The following RERE variants were observed in gnomAD, a reference collection of about 807,000 sequenced individuals.
RERE encodes arginine-glutamic acid dipeptide repeats.
Under a neutral mutation model 146.1 loss-of-function variants are expected in RERE, and 40 were observed. The ratio of observed to expected loss-of-function variants is 0.27; its 90% confidence interval spans 0.21 to 0.36. The LOEUF is 0.36. Ranked by LOEUF, RERE falls within the 10% of genes least tolerant of loss-of-function variation. The pLI, the probability that RERE is intolerant of heterozygous loss-of-function variation, is 1.00. For missense variants in RERE, 1,933 were observed against 2,138.7 expected (o/e 0.90, Z 1.90); for synonymous variants, 1,003 against 866.0 (o/e 1.16, Z -2.78).
intron 4 of RERE, among the ~76,000 whole-genome samples, chr1:8,564,959 C>T (rs1014471518): frequency 1.3e-5 from 2 of 151,146 alleles, no homozygotes; most frequent in Non-Finnish European, 2.9e-5. Flanking sequence ...GAATATTATG[C>T]TAAGTTAAAT....
intron 11 of RERE, among the ~76,000 whole-genome samples, chr1:8,437,098 A>C (rs558482965): frequency 7.2e-5 from 11 of 152,300 alleles, no homozygotes; most frequent in African/African-American, 2.4e-4. Flanking sequence ...ATTACATAAA[A>C]CTTGTCTTCT....
intron 1 of RERE, among the ~76,000 whole-genome samples, chr1:8,751,777 TAAA>T (rs144355478): frequency 2.1e-5 from 3 of 141,448 alleles, no homozygotes; most frequent in Non-Finnish European, 3.1e-5. Context: ...CCTTTCACTT[TAAA>T]AAAAAAAAAA....
intron 4 of RERE, among the ~76,000 whole-genome samples, chr1:8,564,491 A>AGGGTTTTT (rs1646117210): frequency 6.6e-6 from 1 of 152,204 alleles, no homozygotes; most frequent in Non-Finnish European, 1.5e-5. Context: ...GCACTCAAAA[A>AGGGTTTTT]GTTATGGATT....
intron 1 of RERE, among the ~76,000 whole-genome samples, chr1:8,742,690 TAAAATTAGCCAGGCATGATGGTTA>T (rs1349011199): frequency 1.3e-5 from 2 of 151,786 alleles, no homozygotes; most frequent in Non-Finnish European, 1.5e-5. Flanking sequence ...GCATGAAGGC[TAAAATTAGCCAGGCATGATGGTTA>T]AAAATTAGCC....
At chr1:8,652,270 C>A (rs892356256) in intron 2 of RERE, among the ~76,000 whole-genome samples, 2 of 152,184 alleles carry the variant, frequency 1.3e-5, no homozygotes, top group Admixed American at 1.3e-4. Context: ...CCATGTGTGG[C>A]CTTTATAGAT....
intron 11 of RERE, among the ~76,000 whole-genome samples, chr1:8,435,711 A>G (rs1644160783): frequency 1.3e-5 from 2 of 152,300 alleles, no homozygotes; most frequent in East Asian, 1.9e-4. Flanking sequence ...CATGTGCCCA[A>G]TGGGAAAATG....
chr1:8,708,909 T>TTG (rs1639611189), intron 1 of RERE, among the ~76,000 whole-genome samples: 1 of 126,854 alleles, frequency 7.9e-6, no homozygotes. Flanking sequence ...TCTGGAGTTT[T>TTG]TTTTTTTTTT....
chr1:8,770,085 C>T (rs1391819347), intron 1 of RERE, among the ~76,000 whole-genome samples: 1 of 152,098 alleles, frequency 6.6e-6, no homozygotes, highest in Non-Finnish European at 1.5e-5. Context: ...CCACCGCGCC[C>T]GGCCAACACC....
chr1:8,355,054 G>C lies in RERE; in HGVS notation c.*33C>G, dbSNP rs762121799. The C allele has an allele frequency of 1.9e-6, 3 of 1,597,620 alleles. No homozygotes were observed. The Middle Eastern group carries it at 5.0e-4, about 264-fold the overall frequency. Reference sequence around the variant, plus strand: ...TCCTGTTTCTCCCCCCAAGAACTGGGGTTTCCACAGCCAGCGTTAACAAAT... The same window carrying C: ...TCCTGTTTCTCCCCCCAAGAACTGGCGTTTCCACAGCCAGCGTTAACAAAT... On this transcript the variant is annotated 3_prime_UTR_variant, in exon 23 of 23. Transcript: ENST00000400908.
intron 11 of RERE, among the ~76,000 whole-genome samples, chr1:8,463,615 A>C (rs1195536183): frequency 6.6e-6 from 1 of 152,186 alleles, no homozygotes; most frequent in Non-Finnish European, 1.5e-5. Context: ...AAAATTCCAG[A>C]GGGAATGAAA....
At chr1:8,577,245 T>C (rs965639830) in intron 4 of RERE, among the ~76,000 whole-genome samples, 2 of 152,186 alleles carry the variant, frequency 1.3e-5, no homozygotes, top group Non-Finnish European at 2.9e-5. Flanking sequence ...ATGTATTACC[T>C]ATTCAAAAAC....
chr1:8,446,967 C>T (rs763085547), intron 11 of RERE, among the ~76,000 whole-genome samples: 4 of 152,048 alleles, frequency 2.6e-5, no homozygotes, highest in Non-Finnish European at 5.9e-5. Context: ...GCGTGAGCCA[C>T]TGTGCCGGGC....
At chr1:8,453,808 C>A (rs948228647) in intron 11 of RERE, among the ~76,000 whole-genome samples, 15 of 151,118 alleles carry the variant, frequency 9.9e-5, no homozygotes, top group African/African-American at 3.7e-4. Context: ...GACTCTGTCT[C>A]AAAAAAAAAT....
intron 11 of RERE, among the ~76,000 whole-genome samples, chr1:8,432,645 GGTGA>G (rs1644110981): frequency 6.6e-6 from 1 of 152,166 alleles, no homozygotes; most frequent in Admixed American, 6.5e-5. Context: ...TCCAGCAAGA[GGTGA>G]GTATTTCATG....
At chr1:8,788,024 G>C (rs556457358) in intron 1 of RERE, among the ~76,000 whole-genome samples, 2 of 152,152 alleles carry the variant, frequency 1.3e-5, no homozygotes, top group Admixed American at 1.3e-4. Context: ...CTTGAGCCCG[G>C]GAGGTCAAGG....
chr1:8,497,584 CTAT>C, intron 8 of RERE, 55 bp from the exon 9 acceptor site: 1 of 1,593,716 alleles, frequency 6.3e-7, no homozygotes, highest in Non-Finnish European at 8.6e-7. Context: ...TTATAAAGAG[CTAT>C]CTCAATAAGC....
intron 4 of RERE, among the ~76,000 whole-genome samples, chr1:8,579,464 A>T (rs1314838324): frequency 6.6e-6 from 1 of 152,216 alleles, no homozygotes; most frequent in Non-Finnish European, 1.5e-5. Flanking sequence ...AACAAGAAAA[A>T]CTGTTAGAGT....
chr1:8,423,584 G>A lies in RERE; in HGVS notation c.1204-777C>T, dbSNP rs1300085271. On this transcript the variant is annotated intron_variant, in intron 11 of 22. Coordinates refer to ENST00000400908, the MANE Select transcript of RERE (RefSeq NM_001042681.2). The surrounding 1 kb of genome is among the most constrained non-coding windows in gnomAD (Gnocchi z 5.4). ...ACCTCGGGGCTCCCAGCCTGGTCCC[G>A]GGCGGCCGACCCCAGCAGCCACAGG... The A allele has an allele frequency of 9.1e-6, 9 of 985,168 alleles. No individual in the cohort carries two copies. Among genetic ancestry groups the A allele is most frequent in the Non-Finnish European group, 1.1e-5 (9 of 829,876 alleles). The allele number at this position is 985,168 out of a possible 1,614,324, so 61.0% of individuals were successfully genotyped here.
chr1:8,747,731 C>T (rs1640449603), intron 1 of RERE, among the ~76,000 whole-genome samples: 1 of 152,020 alleles, frequency 6.6e-6, no homozygotes, highest in South Asian at 2.1e-4. Flanking sequence ...CTCATTATCT[C>T]ATTAATATTA....
Sources: allele counts gnomAD v4.1 joint callset (sites outside exome capture counted in the v4.1 genomes callset), GRCh38; gene constraint gnomAD v4.1.1; non-coding constraint Gnocchi (gnomAD v3.1); transcripts MANE v1.5; gene names NCBI Gene and HGNC (gene_info 2026-07-23, HGNC 2026-07-21).